The following ATG13 variants were observed in gnomAD, a reference collection of about 807,000 sequenced individuals.
ATG13 encodes autophagy related 13, also known as autophagy-related protein 13.
Under a neutral mutation model 65.5 loss-of-function variants are expected in ATG13, and 23 were observed. The observed-to-expected ratio is 0.35, with a 90% CI of 0.25 to 0.50. The LOEUF is 0.50. ATG13 is among the 20% of genes least tolerant of loss of function. The pLI is 0.98. For missense variants in ATG13, 566 were observed against 677.0 expected (o/e 0.84, Z 1.82); for synonymous variants, 252 against 245.2 (o/e 1.03, Z -0.26).
rs1181567759 is a variant in ATG13, at chr11:46,664,026, T to G, written c.819T>G (p.Phe273Leu). 1 of 1,597,584 alleles carries G rather than the reference T, an allele frequency of 6.3e-7. No homozygotes were observed. The highest frequency in any genetic ancestry group is 1.3e-5 in the African/African-American group (1 of 74,792). The change falls in exon 12 of 19, where the codon TTT (phenylalanine) becomes TTG (leucine). Residue 273 changes from phenylalanine to leucine, a missense_variant. By Grantham distance (22) the Phe-to-Leu change is conservative (BLOSUM62 0). Transcript: ENST00000683050. The stretch of plus-strand genomic sequence containing the variant: ...TGTTTACTGTCACAAAGGCACATTT[T>G]CAGACCCCTACTCCTGTGGTGACGG... ...QCVFTVTKAH[F>L]QTPTPVVTDT...
chr11:46,669,268 G>A lies in ATG13; in HGVS notation c.1447-136G>A, dbSNP rs569339189. The A allele has an allele frequency of 7.2e-5, 83 of 1,148,100 alleles. 2 individuals carry two copies. The South Asian group carries it at 1.2e-3, about 17-fold the overall frequency. The allele number at this position is 1,148,100 out of a possible 1,614,324, so 71.1% of individuals were successfully genotyped here. On this transcript the variant is annotated intron_variant, in intron 17 of 18. Transcript: ENST00000683050. ...CATTAGAAGTGAACAGTCTGGGAGA[G>A]AAAAGTGTAAAGATTTCTCTCCCTA...
chr11:46,650,306 CATATT>C lies in ATG13; in HGVS notation c.451_455del (p.Leu151GlnfsTer40). On this transcript the variant is annotated frameshift_variant, in exon 7 of 19. Coordinates refer to ENST00000683050, the MANE Select transcript of ATG13 (RefSeq NM_001346311.2). LOFTEE classifies it high-confidence loss of function. ...CCAGGAAACAAGGGCATGAATATGT[CATATT>C]ATACAGGTAAACAGCATAGATGGTC... 1 of 1,613,676 alleles carries C rather than the reference CATATT, an allele frequency of 6.2e-7. No homozygotes were observed. Among genetic ancestry groups the C allele is most frequent in the Non-Finnish European group, 8.5e-7 (1 of 1,179,798 alleles).
intron 2 of ATG13, among the ~76,000 whole-genome samples, chr11:46,635,198 G>A (rs1313854164): frequency 1.3e-5 from 2 of 151,696 alleles, no homozygotes; most frequent in African/African-American, 2.4e-5. Context: ...GTAGAGACGG[G>A]TTTTGCTATG....
intron 16 of ATG13, 109 bp downstream of exon 16, chr11:46,668,685 T>G (rs2134252852): frequency 6.7e-7 from 1 of 1,501,926 alleles, no homozygotes; most frequent in East Asian, 2.3e-5. Flanking sequence ...GCCCCTCGGC[T>G]TACGGGTTTG....
intron 11 of ATG13, 49 bp from the exon 12 acceptor site, chr11:46,663,948 T>TC (rs1404771908): frequency 1.0e-5 from 9 of 877,098 alleles, no homozygotes; most frequent in African/African-American, 1.8e-5. Flanking sequence ...CCCTTTTCTT[T>TC]TTTTTTTTTT....
intron 5 of ATG13, among the ~76,000 whole-genome samples, chr11:46,646,516 TACAGTGGC>T (rs1474437822): frequency 6.6e-6 from 1 of 151,978 alleles, no homozygotes; most frequent in Non-Finnish European, 1.5e-5. Flanking sequence ...CAGGCTGGAG[TACAGTGGC>T]ACGATCTTGA....
At chr11:46,619,459 A>G (rs1369202128) in intron 1 of ATG13, among the ~76,000 whole-genome samples, 2 of 127,276 alleles carry the variant, frequency 1.6e-5, no homozygotes, top group African/African-American at 6.1e-5. Context: ...AACTCGGCCC[A>G]CTGCAACCTC....
chr11:46,664,065 C>A lies in ATG13; in HGVS notation c.858C>A (p.Val286=). ...PTPVVTDTLR[V]PMAGLAFSHQ... ...CTGTGGTGACGGACACCCTGAGGGT[C>A]CCCATGGCAGGACTGGCCTTTTCCC... The change falls in exon 12 of 19, where the codon GTC becomes GTA. Residue 286 remains valine (V), a synonymous_variant. Transcript: ENST00000683050. 6.3e-7 allele frequency: 1 copy of A among 1,597,240 alleles called. No homozygotes were observed.
chr11:46,672,941 A>C lies in ATG13; in HGVS notation c.*609A>C. On this transcript the variant is annotated 3_prime_UTR_variant, in exon 19 of 19. Coordinates refer to ENST00000683050, the MANE Select transcript of ATG13 (RefSeq NM_001346311.2). Reference sequence around the variant, plus strand: ...TACCCAAGATCAGAACTCCAAAACCACTCCCACCCCTGAAGGTCGGGAGGG... The same window carrying C: ...TACCCAAGATCAGAACTCCAAAACCCCTCCCACCCCTGAAGGTCGGGAGGG... The C allele has an allele frequency of 2.9e-5, 17 of 584,812 alleles. No individual in the cohort carries two copies. Among genetic ancestry groups the C allele is most frequent in the East Asian group, 8.1e-5 (1 of 12,286 alleles). The allele number at this position is 584,812 out of a possible 1,614,324, so 36.2% of individuals were successfully genotyped here.
intron 2 of ATG13, among the ~76,000 whole-genome samples, chr11:46,642,823 C>G (rs1489771338): frequency 1.3e-5 from 2 of 152,212 alleles, no homozygotes; most frequent in African/African-American, 4.8e-5. Flanking sequence ...CTTGGGTGGG[C>G]TCCCCTGTCT....
intron 1 of ATG13, among the ~76,000 whole-genome samples, chr11:46,620,722 C>T (rs1369308139): frequency 6.6e-6 from 1 of 151,912 alleles, no homozygotes; most frequent in Non-Finnish European, 1.5e-5. Context: ...TTGCTGTGAG[C>T]CGAGATCATG....
intron 11 of ATG13, 76 bp downstream of exon 11, chr11:46,659,561 T>G (rs949757328): frequency 1.1e-5 from 13 of 1,232,434 alleles, no homozygotes; most frequent in Non-Finnish European, 1.4e-5. Context: ...TGTCCAAATT[T>G]AGCTACAATC....
chr11:46,620,165 A>G (rs1329107425), intron 1 of ATG13, among the ~76,000 whole-genome samples: 1 of 151,016 alleles, frequency 6.6e-6, no homozygotes, highest in Non-Finnish European at 1.5e-5. Context: ...ATCTCGGCAC[A>G]CTGCAACAAC....
chr11:46,646,844 C>G (rs1002476471), intron 5 of ATG13, among the ~76,000 whole-genome samples: 1 of 152,048 alleles, frequency 6.6e-6, no homozygotes, highest in African/African-American at 2.4e-5. Context: ...ATTGCAGCCT[C>G]GACCTCCTAG....
chr11:46,653,971 G>C (rs1389053410), intron 7 of ATG13, among the ~76,000 whole-genome samples: 2 of 151,878 alleles, frequency 1.3e-5, no homozygotes, highest in African/African-American at 4.8e-5. Flanking sequence ...TAGATTTTAG[G>C]TATTTTGAAT....
At chr11:46,633,005 T>A (rs186141320) in intron 2 of ATG13, among the ~76,000 whole-genome samples, 16,418 of 95,626 alleles carry the variant, frequency 0.17, 2,131 homozygotes, top group African/African-American at 0.41. Context: ...TAAAAAAAAA[T>A]ATATATATAT....
chr11:46,663,129 G>A (rs1300506532), intron 11 of ATG13, among the ~76,000 whole-genome samples: 1 of 151,902 alleles, frequency 6.6e-6, no homozygotes, highest in Non-Finnish European at 1.5e-5. Context: ...AGCCAGGCTT[G>A]GTGGCGGGCA....
In ATG13 at chr11:46,639,358, A is replaced by G. The variant is rs1409659888; in HGVS notation, c.-13-4921A>G. Among the ~76,000 whole-genome samples, 9 of 152,198 alleles carry G rather than the reference A, an allele frequency of 5.9e-5. No homozygotes were observed. In the South Asian group the frequency reaches 6.2e-4, roughly 11 times the overall value. Reference sequence around the variant, plus strand: ...ATCTTGGCTATTGTGAATTGGGCCAATTGTCATAGTGGTTATTGTTGGCTT... The same window carrying G: ...ATCTTGGCTATTGTGAATTGGGCCAGTTGTCATAGTGGTTATTGTTGGCTT... On this transcript the variant is annotated intron_variant, in intron 2 of 18. Transcript: ENST00000683050.
chr11:46,648,419 A>G lies in ATG13; in HGVS notation c.271-718A>G, dbSNP rs1205693369. On this transcript the variant is annotated intron_variant, in intron 5 of 18. Transcript: ENST00000683050. ...CAAGGTTGTTTATCACAATTTTTGC[A>G]GTAATGAAAATTAGAAACAACCTTT... Among the ~76,000 whole-genome samples the G allele has an allele frequency of 9.8e-5, 15 of 152,298 alleles. No individual in the cohort carries two copies. In the East Asian group the frequency reaches 2.5e-3, roughly 25 times the overall value.
Sources: gnomAD v4.1 joint callset for allele counts (sites outside exome capture counted in the v4.1 genomes callset) on GRCh38, gnomAD v4.1.1 for gene constraint, MANE v1.5 for transcripts, NCBI Gene and HGNC (gene_info 2026-07-23, HGNC 2026-07-21) for gene names.